Variants in SYT1 observed in about 807,000 individuals in gnomAD.
SYT1 encodes synaptotagmin 1, also known as synaptotagmin-1.
In SYT1, 8 loss-of-function variants were observed where a neutral mutation model predicts 44.8. The ratio of observed to expected loss-of-function variants is 0.18; its 90% confidence interval spans 0.10 to 0.32. The LOEUF is 0.32. Ranked by LOEUF, SYT1 falls within the 10% of genes least tolerant of loss-of-function variation. SYT1 has a pLI of 1.00. For missense variants in SYT1, 286 were observed against 509.3 expected (o/e 0.56, Z 4.22); for synonymous variants, 154 against 188.8 (o/e 0.82, Z 1.51).
chr12:78,879,385 C>G (rs763513662), intron 1 of SYT1, among the ~76,000 whole-genome samples: 1 of 151,718 alleles, frequency 6.6e-6, no homozygotes, highest in African/African-American at 2.4e-5. Flanking sequence ...AAATCATTCC[C>G]GTCTTACTAG....
chr12:79,043,404 C>T (rs1873743226), intron 2 of SYT1, among the ~76,000 whole-genome samples: 3 of 148,558 alleles, frequency 2.0e-5, no homozygotes, highest in Admixed American at 6.7e-5. Flanking sequence ...CTCTTTTGAT[C>T]TTTGTTGGTT....
intron 3 of SYT1, among the ~76,000 whole-genome samples, chr12:79,215,027 C>T (rs1874699096): frequency 6.6e-6 from 1 of 151,258 alleles, no homozygotes; most frequent in African/African-American, 2.4e-5. Flanking sequence ...GTTAGGACAT[C>T]ATTAATATCA....
In SYT1 at chr12:79,449,848, C is replaced by CTT. The variant is rs1405052610; in HGVS notation, c.*725_*726dup. On this transcript the variant is annotated 3_prime_UTR_variant, in exon 11 of 11. Transcript: ENST00000261205. The stretch of plus-strand genomic sequence containing the variant: ...ACAAAGCTAAAATAATGGCTTCACT[C>CTT]TTATATTTGAGGAAGCAACTGAACA... 6.6e-6 allele frequency: 1 copy of CTT among 151,986 alleles called. No individual in the cohort carries two copies. Among genetic ancestry groups the CTT allele is most frequent in the South Asian group, 2.1e-4 (1 of 4,826 alleles). 9.4% of individuals were successfully genotyped at this position (151,986 alleles called of 1,614,324 possible). A position where few individuals can be genotyped will look rare whatever the true frequency, so the allele number is the denominator to read the frequency against.
At position 79,008,995 on chromosome 12, in the gene SYT1, C is replaced by T. The variant is rs559129606; in HGVS notation, c.-84+31064C>T. On this transcript the variant is annotated intron_variant, in intron 2 of 10. Coordinates refer to ENST00000261205, the MANE Select transcript of SYT1 (RefSeq NM_005639.3). ...TATAGAAACTTTAGCTTTGCTCTAA[C>T]CATGTTTATGGTTCCAAGATTACTT... 5.8e-4 allele frequency among the ~76,000 whole-genome samples: 89 copies of T among 152,250 alleles called. 1 individual carries two copies. Among genetic ancestry groups the T allele is most frequent in the African/African-American group, 2.0e-3 (85 of 41,544 alleles).
chr12:79,044,887 G>GT (rs1873891030), intron 2 of SYT1, among the ~76,000 whole-genome samples: 1 of 152,050 alleles, frequency 6.6e-6, no homozygotes, highest in South Asian at 2.1e-4. Context: ...GTACGCTGCC[G>GT]TGTGAGGTGT....
intron 9 of SYT1, among the ~76,000 whole-genome samples, chr12:79,362,061 T>C (rs941252074): frequency 1.3e-5 from 2 of 152,150 alleles, no homozygotes; most frequent in Non-Finnish European, 2.9e-5. Context: ...GGAAAACACA[T>C]GTCAGCTAGA....
intron 4 of SYT1, among the ~76,000 whole-genome samples, chr12:79,281,972 C>T (rs1430577751): frequency 6.6e-6 from 1 of 152,142 alleles, no homozygotes; most frequent in African/African-American, 2.4e-5. Flanking sequence ...CTGCCTTTTC[C>T]AGCTTCAAGA....
intron 9 of SYT1, among the ~76,000 whole-genome samples, chr12:79,407,896 A>G (rs928065856): frequency 2.6e-5 from 4 of 151,870 alleles, no homozygotes; most frequent in Non-Finnish European, 5.9e-5. Context: ...CTGTATTGTG[A>G]CCTCTTCTTC....
At chr12:79,386,150 A>T (rs1330885092) in intron 9 of SYT1, among the ~76,000 whole-genome samples, 2 of 152,178 alleles carry the variant, frequency 1.3e-5, no homozygotes, top group African/African-American at 4.8e-5. Context: ...ATTACTTTAA[A>T]CCATTCCTAA....
intron 3 of SYT1, among the ~76,000 whole-genome samples, chr12:79,111,202 G>A (rs1878992390): frequency 6.6e-6 from 1 of 152,054 alleles, no homozygotes; most frequent in South Asian, 2.1e-4. Flanking sequence ...CTGAGGTGGG[G>A]GGCAGTGGAA....
At chr12:79,239,176 C>T (rs11113248) in intron 4 of SYT1, among the ~76,000 whole-genome samples, 106,101 of 151,792 alleles carry the variant, frequency 0.7, 37,514 homozygotes, top group African/African-American at 0.76. Context: ...GTAGAGATAT[C>T]TTAGTTTTCT....
rs1188731812 is a variant in SYT1 at position 78,973,932 on chromosome 12, AAAAAAAATATATATATATATATAT to A, written c.-216-3865_-216-3842del. ...GACGAACACCAAAAAAAAAAAAAAA[AAAAAAAATATATATATATATATAT>A]ATATATATATATATATATATATATA... On this transcript the variant is annotated intron_variant, in intron 1 of 10. Coordinates refer to ENST00000261205, the MANE Select transcript of SYT1 (RefSeq NM_005639.3). Among the ~76,000 whole-genome samples the A allele has an allele frequency of 7.1e-4, 24 of 34,040 alleles. 1 individual carries two copies. Among genetic ancestry groups the A allele is most frequent in the African/African-American group, 2.4e-3 (21 of 8,850 alleles). 22.3% of individuals were successfully genotyped at this position (34,040 alleles called of 152,430 possible). A position where few individuals can be genotyped will look rare whatever the true frequency, so the allele number is the denominator to read the frequency against.
chr12:79,103,741 C>G (rs1878561943), intron 3 of SYT1, among the ~76,000 whole-genome samples: 1 of 151,644 alleles, frequency 6.6e-6, no homozygotes, highest in Non-Finnish European at 1.5e-5. Context: ...CCTGGTTAAA[C>G]TGTATCTGTG....
At chr12:79,415,946 T>C (rs543932551) in intron 9 of SYT1, among the ~76,000 whole-genome samples, 80 of 152,340 alleles carry the variant, frequency 5.3e-4, no homozygotes, top group Non-Finnish European at 7.3e-4. Flanking sequence ...CAAGCCAGGC[T>C]TTACATGTTC....
chr12:78,925,626 C>T (rs1293385216), intron 1 of SYT1, among the ~76,000 whole-genome samples: 2 of 151,860 alleles, frequency 1.3e-5, no homozygotes, highest in Non-Finnish European at 2.9e-5. Flanking sequence ...TAAGTCCATC[C>T]TCCCTTTCTT....
chr12:79,046,314 A>T (rs1013807856), intron 2 of SYT1: 2 of 152,234 alleles, frequency 1.3e-5, no homozygotes, highest in Non-Finnish European at 2.9e-5. Flanking sequence ...ATTCTGTTGA[A>T]AATAGATGCC....
intron 2 of SYT1, among the ~76,000 whole-genome samples, chr12:79,029,554 T>C (rs1425595474): frequency 6.6e-6 from 1 of 151,200 alleles, no homozygotes; most frequent in Admixed American, 6.6e-5. Flanking sequence ...TGGTGATTAA[T>C]TTAGCATCAC....
chr12:79,295,348 G>A (rs185184941), intron 6 of SYT1, among the ~76,000 whole-genome samples: 1 of 152,034 alleles, frequency 6.6e-6, no homozygotes, highest in Non-Finnish European at 1.5e-5. Context: ...TTAAAGAAAT[G>A]TAATAGTTCT....
intron 9 of SYT1, among the ~76,000 whole-genome samples, chr12:79,381,811 A>T (rs768172082): frequency 1.3e-5 from 2 of 152,218 alleles, no homozygotes; most frequent in Non-Finnish European, 2.9e-5. Flanking sequence ...ACATCTTGTT[A>T]GGATAGGATT....
Sources: allele counts gnomAD v4.1 joint callset (sites outside exome capture counted in the v4.1 genomes callset), GRCh38; gene constraint gnomAD v4.1.1; transcripts MANE v1.5; gene names NCBI Gene and HGNC (gene_info 2026-07-23, HGNC 2026-07-21).